EBF1: variants seen among roughly 807,000 people sequenced by gnomAD.
EBF1 encodes EBF transcription factor 1.
A neutral mutation model predicts 68.4 loss-of-function variants in EBF1; 10 were observed. The observed-to-expected ratio is 0.15, with a 90% confidence interval of 0.09 to 0.25. EBF1 has a LOEUF of 0.25. EBF1 is among the 10% of genes least tolerant of loss of function. The probability of loss-of-function intolerance (pLI) is 1.00; values close to 1 mark genes in which losing one functional copy is unlikely to be tolerated. For synonymous variants in EBF1, 298 were observed against 299.8 expected (o/e 0.99, Z 0.06); for missense variants, 509 against 794.4 (o/e 0.64, Z 4.32).
chr5:158,813,484 C>T (rs1212297602), intron 8 of EBF1, among the ~76,000 whole-genome samples: 2 of 152,140 alleles, frequency 1.3e-5, no homozygotes, highest in Admixed American at 6.5e-5. Flanking sequence ...TTTTCCAGGC[C>T]TCCTAGAACC....
chr5:158,875,836 C>T (rs1325479709), intron 6 of EBF1, among the ~76,000 whole-genome samples: 1 of 152,196 alleles, frequency 6.6e-6, no homozygotes, highest in African/African-American at 2.4e-5. Flanking sequence ...CACAAAACAC[C>T]ATTGTTTTCC....
At chr5:158,758,794 A>G (rs1045971319) in intron 10 of EBF1, among the ~76,000 whole-genome samples, 9 of 152,168 alleles carry the variant, frequency 5.9e-5, no homozygotes, top group African/African-American at 1.9e-4. Flanking sequence ...TTAAAACTAA[A>G]ATTCCTCTAG....
At chr5:158,712,882 T>C in intron 13 of EBF1, 88 bp downstream of exon 13, 1 of 1,288,336 alleles carries the variant, frequency 7.8e-7, no homozygotes, top group East Asian at 2.6e-5. Context: ...ATGAAAATAA[T>C]TTTTTAATGT....
chr5:158,846,057 C>T (rs566511348), intron 6 of EBF1, among the ~76,000 whole-genome samples: 78 of 152,298 alleles, frequency 5.1e-4, no homozygotes, highest in Admixed American at 9.2e-4. Flanking sequence ...GACACAAAAC[C>T]TACATTTGCA....
chr5:158,964,011 C>A (rs1753614946), intron 6 of EBF1, among the ~76,000 whole-genome samples: 1 of 152,122 alleles, frequency 6.6e-6, no homozygotes, highest in African/African-American at 2.4e-5. Flanking sequence ...AGAAAGAGTG[C>A]ACACTTGTAC....
chr5:158,847,935 A>T (rs1024444757), intron 6 of EBF1, among the ~76,000 whole-genome samples: 1 of 152,186 alleles, frequency 6.6e-6, no homozygotes, highest in Non-Finnish European at 1.5e-5. Context: ...GCTGAAAAGG[A>T]TGCACAGGCA....
intron 6 of EBF1, among the ~76,000 whole-genome samples, chr5:158,882,260 A>G (rs1362198666): frequency 6.6e-6 from 1 of 152,192 alleles, no homozygotes; most frequent in Admixed American, 6.5e-5. Context: ...TAATCTATCT[A>G]TTTACACAAG....
At chr5:158,918,965 C>A (rs896272667) in intron 6 of EBF1, among the ~76,000 whole-genome samples, 4 of 152,234 alleles carry the variant, frequency 2.6e-5, no homozygotes, top group African/African-American at 9.6e-5. Context: ...TCAACTAAGG[C>A]ATTCATTATC....
intron 6 of EBF1, among the ~76,000 whole-genome samples, chr5:158,991,199 C>T (rs1760256969): frequency 6.6e-6 from 1 of 152,132 alleles, no homozygotes; most frequent in Admixed American, 6.5e-5. Context: ...AAATATGTTC[C>T]ACAGAGCACA....
chr5:159,079,427 G>A (rs555500105), intron 5 of EBF1, among the ~76,000 whole-genome samples: 53 of 152,074 alleles, frequency 3.5e-4, no homozygotes, highest in South Asian at 6.2e-4. Context: ...AAGAGTCCCT[G>A]TCACTACTTG....
intron 6 of EBF1, among the ~76,000 whole-genome samples, chr5:158,973,825 T>C (rs1053191461): frequency 4.6e-5 from 7 of 152,340 alleles, no homozygotes; most frequent in Non-Finnish European, 1.0e-4. Context: ...GTAGTGGTAG[T>C]AGCAGCTGTG....
chr5:158,869,940 A>G (rs929443172), intron 6 of EBF1, among the ~76,000 whole-genome samples: 3 of 152,216 alleles, frequency 2.0e-5, no homozygotes, highest in Admixed American at 1.3e-4. Context: ...GCTGTTGAAG[A>G]AAGCCAAGAA....
At chr5:158,924,526 T>G (rs903166780) in intron 6 of EBF1, among the ~76,000 whole-genome samples, 1 of 152,132 alleles carries the variant, frequency 6.6e-6, no homozygotes, top group African/African-American at 2.4e-5. Context: ...TCCTACACCT[T>G]TCTCCATGTG....
At chr5:158,710,780 T>C (rs1201365611) in intron 14 of EBF1, among the ~76,000 whole-genome samples, 2 of 152,228 alleles carry the variant, frequency 1.3e-5, no homozygotes, top group African/African-American at 4.8e-5. Flanking sequence ...AGACAGGGCA[T>C]CATTTGCTGT....
intron 6 of EBF1, among the ~76,000 whole-genome samples, chr5:158,967,684 G>A (rs1583536273): frequency 6.6e-6 from 1 of 152,318 alleles, no homozygotes; most frequent in African/African-American, 2.4e-5. Context: ...TGGGGAATGG[G>A]GAAGTGGGGA....
At chr5:159,006,960 T>C (rs1307489191) in intron 6 of EBF1, among the ~76,000 whole-genome samples, 12 of 152,236 alleles carry the variant, frequency 7.9e-5, no homozygotes, top group Non-Finnish European at 1.3e-4. Flanking sequence ...CTCAAAAGAA[T>C]GTCACCTTCC....
chr5:158,978,787 C>G (rs1469228365), intron 6 of EBF1, among the ~76,000 whole-genome samples: 1 of 125,606 alleles, frequency 8.0e-6, no homozygotes, highest in Non-Finnish European at 1.7e-5. Context: ...GATACACACA[C>G]ACACACACAT....
chr5:159,094,186 A>G (rs1343535192), intron 4 of EBF1, among the ~76,000 whole-genome samples: 1 of 146,850 alleles, frequency 6.8e-6, no homozygotes, highest in African/African-American at 2.5e-5. Context: ...AAAAAAAAAA[A>G]AAAAAAAACA....
intron 7 of EBF1, among the ~76,000 whole-genome samples, chr5:158,839,470 A>G (rs757650166): frequency 2.6e-5 from 4 of 151,840 alleles, no homozygotes; most frequent in Non-Finnish European, 2.9e-5. Flanking sequence ...GCAACCTCCA[A>G]CTCCCGGGTT....
Sources: gnomAD v4.1 joint callset for allele counts (sites outside exome capture counted in the v4.1 genomes callset) on GRCh38, gnomAD v4.1.1 for gene constraint, MANE v1.5 for transcripts, NCBI Gene and HGNC (gene_info 2026-07-23, HGNC 2026-07-21) for gene names.